Variants in ZC3H11A observed in about 807,000 individuals in gnomAD.
ZC3H11A encodes the protein zinc finger CCCH-type containing 11A, also known as zinc finger CCCH domain-containing protein 11A.
In ZC3H11A, 22 loss-of-function variants were observed where a neutral mutation model predicts 90.8. The ratio of observed to expected loss-of-function variants is 0.24; its 90% confidence interval spans 0.17 to 0.35. The LOEUF is 0.35. Ranked by LOEUF, ZC3H11A falls within the 10% of genes least tolerant of loss-of-function variation. The pLI is 1.00. For synonymous variants in ZC3H11A, 294 were observed against 339.8 expected, an observed-to-expected ratio of 0.87 and a Z score of 1.48; for missense variants, 701 against 964.9, an observed-to-expected ratio of 0.73 and a Z score of 3.62.
At chr1:203,799,664 C>T (rs1293004723) in intron 1 of ZC3H11A, 1 of 705,166 alleles carries the variant, frequency 1.4e-6, no homozygotes, top group Non-Finnish European at 2.6e-6. Flanking sequence ...AGGTGCTACC[C>T]CTAATCCATC....
intron 8 of ZC3H11A, among the ~76,000 whole-genome samples, 192 bp from the exon 9 acceptor site, chr1:203,831,469 C>T (rs952244457): frequency 6.6e-6 from 1 of 152,090 alleles, no homozygotes; most frequent in Non-Finnish European, 1.5e-5. Flanking sequence ...ATTTTGTTTT[C>T]ACATCATGCC....
intron 4 of ZC3H11A, among the ~76,000 whole-genome samples, chr1:203,827,507 C>CT (rs1680934436): frequency 6.6e-6 from 1 of 151,866 alleles, no homozygotes; most frequent in Admixed American, 6.6e-5. Flanking sequence ...GGTAAAACCT[C>CT]TTATCTACTA....
chr1:203,841,602 ATTT>A (rs1020950524), intron 12 of ZC3H11A, among the ~76,000 whole-genome samples: 11 of 152,182 alleles, frequency 7.2e-5, no homozygotes, highest in Non-Finnish European at 1.3e-4. Flanking sequence ...TTTTCCCCAC[ATTT>A]CCCCGTTTTC....
chr1:203,821,205 T>C (rs1678557385), intron 4 of ZC3H11A, among the ~76,000 whole-genome samples: 1 of 152,160 alleles, frequency 6.6e-6, no homozygotes, highest in African/African-American at 2.4e-5. Flanking sequence ...CGCGCTCTCT[T>C]GCTGCCATGT....
chr1:203,797,914 A>G, intron 1 of ZC3H11A: 2 of 1,536,148 alleles, frequency 1.3e-6, no homozygotes, highest in African/African-American at 2.7e-5. Context: ...ACTAGAGCCA[A>G]GACCTCCATT....
intron 4 of ZC3H11A, among the ~76,000 whole-genome samples, chr1:203,819,651 C>G (rs1677813818): frequency 6.7e-6 from 1 of 149,328 alleles, no homozygotes; most frequent in Non-Finnish European, 1.5e-5. Flanking sequence ...TCTCCTGCCT[C>G]AGCCTCCCGA....
At chr1:203,831,558 T>C (rs915665677) in intron 8 of ZC3H11A, 103 bp from the exon 9 acceptor site, 13 of 852,786 alleles carry the variant, frequency 1.5e-5, no homozygotes, top group Non-Finnish European at 9.5e-6. Context: ...AGTCATAATA[T>C]CAGTCTGTAT....
intron 4 of ZC3H11A, among the ~76,000 whole-genome samples, chr1:203,822,956 A>G (rs1679265272): frequency 6.6e-6 from 1 of 152,154 alleles, no homozygotes; most frequent in Non-Finnish European, 1.5e-5. Flanking sequence ...CAGCTACTCC[A>G]GTCTGGTTTT....
At chr1:203,801,453 G>T (rs1348922309) in intron 1 of ZC3H11A, 122 bp from the exon 2 acceptor site, 1 of 152,272 alleles carries the variant, frequency 6.6e-6, no homozygotes, top group Non-Finnish European at 1.5e-5. Flanking sequence ...TTTCTACTCT[G>T]AAAGTATGTT....
rs888850547 is a variant in ZC3H11A, at chr1:203,802,642, T to C, written c.-520T>C. The C allele has an allele frequency of 3.9e-5, 6 of 152,326 alleles. No individual in the cohort carries two copies. Among genetic ancestry groups the C allele is most frequent in the Admixed American group, 3.3e-4 (5 of 15,254 alleles). The allele number at this position is 152,326 out of a possible 1,614,324, so 9.4% of individuals were successfully genotyped here. On this transcript the variant is annotated 5_prime_UTR_variant, in exon 2 of 18. Transcript: ENST00000367210. ...GTTTTTTTGTTTTTTTTTTAAATTATATTGTTCAGCTATGGAAGATGGAGT... is the reference window on the plus strand; with the variant it reads ...GTTTTTTTGTTTTTTTTTTAAATTACATTGTTCAGCTATGGAAGATGGAGT...
chr1:203,809,072 C>T (rs1463155781), intron 2 of ZC3H11A, among the ~76,000 whole-genome samples: 1 of 152,054 alleles, frequency 6.6e-6, no homozygotes, highest in Non-Finnish European at 1.5e-5. Context: ...TCAGGTGATC[C>T]ACCTGTCTCG....
chr1:203,847,764 G>T (rs1364325151), intron 13 of ZC3H11A, 77 bp downstream of exon 13: 2 of 1,533,942 alleles, frequency 1.3e-6, no homozygotes, highest in African/African-American at 2.8e-5. Flanking sequence ...ATCTTCCTAG[G>T]AGTTGTTTGA....
Position 203,842,287 on chromosome 1 carries a change from A to G in ZC3H11A, c.1042+1913A>G, listed in dbSNP as rs1308141076. On this transcript the variant is annotated intron_variant, in intron 12 of 17. Coordinates refer to ENST00000367210, the MANE Select transcript of ZC3H11A (RefSeq NM_001376342.1). ...GGTTGTAGCAAGCCGAGATCACGCC[A>G]CTGCACTCCAGCCTGGGCAACATTG... Among the ~76,000 whole-genome samples, 21 of 152,186 alleles carry G rather than the reference A, an allele frequency of 1.4e-4. 1 individual carries two copies. Among genetic ancestry groups the G allele is most frequent in the Admixed American group, 1.2e-3 (18 of 15,276 alleles).
rs1572250760 is a variant in ZC3H11A, at chr1:203,837,520, C to T, written c.875-446C>T. Among the ~76,000 whole-genome samples the T allele has an allele frequency of 2.0e-5, 3 of 149,790 alleles. No individual in the cohort carries two copies. The Admixed American group carries it at 2.0e-4, about 10-fold the overall frequency. ...CCAGGCAGGAGTGTAGTATTATGAT[C>T]ATAGCTCAGTATTATGATCATAGCT... On this transcript the variant is annotated intron_variant, in intron 10 of 17. Transcript: ENST00000367210.
At chr1:203,811,448 T>TA (rs1437220363) in intron 2 of ZC3H11A, among the ~76,000 whole-genome samples, 3 of 152,236 alleles carry the variant, frequency 2.0e-5, no homozygotes, top group Admixed American at 1.3e-4. Context: ...CAGTTTCAAA[T>TA]ATGTTCTTTG....
intron 11 of ZC3H11A, among the ~76,000 whole-genome samples, chr1:203,839,084 G>A (rs1427431479): frequency 2.6e-5 from 4 of 152,312 alleles, no homozygotes; most frequent in South Asian, 2.1e-4. Context: ...GCATGCTGGC[G>A]TGGAGATGAG....
intron 3 of ZC3H11A, 72 bp from the exon 4 acceptor site, chr1:203,818,498 G>A: frequency 6.3e-7 from 1 of 1,594,734 alleles, no homozygotes; most frequent in Non-Finnish European, 8.6e-7. Context: ...AATTCCAGGA[G>A]CTCTTGTTAT....
intron 1 of ZC3H11A, chr1:203,800,428 T>C (rs1444664035): frequency 2.6e-5 from 36 of 1,409,778 alleles, no homozygotes; most frequent in Non-Finnish European, 3.4e-5. Context: ...CAGAATGAAG[T>C]TGTTCAAAGC....
At chr1:203,844,470 G>T (rs185359302) in intron 12 of ZC3H11A, among the ~76,000 whole-genome samples, 1 of 152,276 alleles carries the variant, frequency 6.6e-6, no homozygotes, top group Non-Finnish European at 1.5e-5. Context: ...CGCCTGGCCT[G>T]CTCTGGGATT....
Sources: gnomAD v4.1 joint callset for allele counts (sites outside exome capture counted in the v4.1 genomes callset) on GRCh38, gnomAD v4.1.1 for gene constraint, MANE v1.5 for transcripts, NCBI Gene and HGNC (gene_info 2026-07-23, HGNC 2026-07-21) for gene names.